The following F11R variants were observed in gnomAD, a reference collection of about 807,000 sequenced individuals.
F11R encodes junctional adhesion molecule A.
A neutral mutation model predicts 39.3 loss-of-function variants in F11R; 27 were observed. The observed-to-expected ratio is 0.69, with a 90% CI of 0.51 to 0.95. The LOEUF (loss-of-function observed/expected upper bound fraction) is 0.95. Among genes scored for constraint, F11R ranks in the 40% least tolerant of loss-of-function variants. The pLI, the probability that F11R is intolerant of heterozygous loss-of-function variation, is 0.00. For synonymous variants in F11R, 131 were observed against 144.9 expected, an observed-to-expected ratio of 0.90 and a Z score of 0.69; for missense variants, 335 against 372.7, an observed-to-expected ratio of 0.90 and a Z score of 0.83.
At chr1:161,006,782 C>T (rs1216614271) in intron 1 of F11R, among the ~76,000 whole-genome samples, 1 of 152,160 alleles carries the variant, frequency 6.6e-6, no homozygotes, top group African/African-American at 2.4e-5. Context: ...ATGTCCTTCC[C>T]ATTCACCACA....
chr1:161,005,853 T>C (rs970390486), intron 1 of F11R, among the ~76,000 whole-genome samples: 2 of 151,812 alleles, frequency 1.3e-5, no homozygotes, highest in Non-Finnish European at 2.9e-5. Flanking sequence ...AGAATGCTAA[T>C]AGGCTGGGCA....
At chr1:161,005,774 C>G (rs917935974) in intron 1 of F11R, among the ~76,000 whole-genome samples, 1 of 152,124 alleles carries the variant, frequency 6.6e-6, no homozygotes, top group African/African-American at 2.4e-5. Context: ...CTGCCTTGGC[C>G]TCCCAAAGTG....
intron 1 of F11R, among the ~76,000 whole-genome samples, chr1:161,005,053 C>T (rs926650645): frequency 2.6e-5 from 4 of 150,988 alleles, no homozygotes; most frequent in South Asian, 4.2e-4. Context: ...CCCAGCTACT[C>T]GGGAGGCTGA....
Position 161,000,223 on chromosome 1 carries a change from C to T in F11R, c.514G>A (p.Val172Met), listed in dbSNP as rs1193246022. Residue 172 changes from valine (V) to methionine (M), a missense_variant, in exon 5 of 10, where the codon GTG (valine) becomes ATG (methionine). Coordinates refer to ENST00000368026, the MANE Select transcript of F11R (RefSeq NM_016946.6). ...GTGCTTTTGGGATTCGTAGGCATCACTATCCCATCTTTGAACCAGGTGTAT... is the reference window on the plus strand; with the variant it reads ...GTGCTTTTGGGATTCGTAGGCATCATTATCCCATCTTTGAACCAGGTGTAT... ...SEYTWFKDGI[V>M]MPTNPKSTRA... The T allele has an allele frequency of 6.2e-7, 1 of 1,614,198 alleles. No homozygotes were observed.
At chr1:161,003,570 CT>C (rs1221196036) in intron 1 of F11R, among the ~76,000 whole-genome samples, 5 of 150,582 alleles carry the variant, frequency 3.3e-5, no homozygotes, top group South Asian at 2.1e-4. Context: ...GCCTAATTTT[CT>C]TTTTTTTCTT....
At chr1:161,017,035 A>G (rs1159463687) in intron 1 of F11R, among the ~76,000 whole-genome samples, 1 of 152,178 alleles carries the variant, frequency 6.6e-6, no homozygotes, top group African/African-American at 2.4e-5. Flanking sequence ...GGGTTGTGCA[A>G]GATGTGCTTT....
In F11R at chr1:160,997,569, A is replaced by T. The variant is rs1006417101; in HGVS notation, c.*1302T>A. The T allele has an allele frequency of 2.0e-5, 3 of 152,778 alleles. No individual in the cohort carries two copies. The highest frequency in any genetic ancestry group is 7.2e-5 in the African/African-American group (3 of 41,458). 9.5% of individuals were successfully genotyped at this position (152,778 alleles called of 1,614,324 possible). On this transcript the variant is annotated 3_prime_UTR_variant, in exon 10 of 10. Transcript: ENST00000368026. The stretch of plus-strand genomic sequence containing the variant: ...CTTGAGATAAGAACCAGGAAGGGGC[A>T]GGACCAGGCACTGGGAACCAGCCCC...
intron 1 of F11R, among the ~76,000 whole-genome samples, chr1:161,015,449 A>G (rs2101988796): frequency 7.0e-6 from 1 of 142,878 alleles, no homozygotes; most frequent in Non-Finnish European, 1.5e-5. Context: ...AAAATTAGCC[A>G]AGAATGGTGG....
chr1:160,998,024 G>C lies in F11R; in HGVS notation c.*847C>G. Reference sequence around the variant, plus strand: ...TGTTGCCAGGCTCCTGAGCAGCTGGGATTACAGGCATGCACCACTATGCCT... The same window carrying C: ...TGTTGCCAGGCTCCTGAGCAGCTGGCATTACAGGCATGCACCACTATGCCT... On this transcript the variant is annotated 3_prime_UTR_variant, in exon 10 of 10. Coordinates refer to ENST00000368026, the MANE Select transcript of F11R (RefSeq NM_016946.6). 1 of 152,360 alleles carries C rather than the reference G, an allele frequency of 6.6e-6. No individual in the cohort carries two copies. Among genetic ancestry groups the C allele is most frequent in the East Asian group, 1.9e-4 (1 of 5,240 alleles). The allele number at this position is 152,360 out of a possible 1,614,324, so 9.4% of individuals were successfully genotyped here.
chr1:161,000,727 A>T lies in F11R; in HGVS notation c.292T>A (p.Ser98Thr). The T allele has an allele frequency of 6.2e-7, 1 of 1,614,124 alleles. No individual in the cohort carries two copies. The highest frequency in any genetic ancestry group is 8.5e-7 in the Non-Finnish European group (1 of 1,180,032). ...TFLPTGITFK[S>T]VTREDTGTYT... Reference sequence around the variant, plus strand: ...GTCCCAGTGTCTTCCCGTGTCACGGACTTGAAGGTGATACCAGTTGGCAAG... The same window carrying T: ...GTCCCAGTGTCTTCCCGTGTCACGGTCTTGAAGGTGATACCAGTTGGCAAG... The change falls in exon 4 of 10, where the codon TCC (serine) becomes ACC (threonine). Residue 98 changes from serine to threonine, a missense_variant. By Grantham distance (58) the Ser-to-Thr change is moderately conservative. Transcript: ENST00000368026.
At chr1:161,013,797 C>T (rs938986663) in intron 1 of F11R, among the ~76,000 whole-genome samples, 3 of 152,226 alleles carry the variant, frequency 2.0e-5, no homozygotes, top group South Asian at 2.1e-4. Flanking sequence ...GGCTCCCTCC[C>T]GCCCTCTCTG....
chr1:161,004,792 A>G (rs1056540700), intron 1 of F11R, among the ~76,000 whole-genome samples: 14 of 152,092 alleles, frequency 9.2e-5, no homozygotes, highest in African/African-American at 2.9e-4. Context: ...ACTAATAAAA[A>G]TATTTCTAAT....
chr1:161,020,982 G>A, intron 1 of F11R, 28 bp downstream of exon 1: 1 of 1,611,786 alleles, frequency 6.2e-7, no homozygotes, highest in Non-Finnish European at 8.5e-7. Context: ...CCGACCAACC[G>A]ATTCCTCCCG....
chr1:161,014,283 A>C (rs1312859542), intron 1 of F11R, among the ~76,000 whole-genome samples: 1 of 152,232 alleles, frequency 6.6e-6, no homozygotes, highest in African/African-American at 2.4e-5. Context: ...CATGGCATTT[A>C]AATCTATTTT....
chr1:161,006,881 T>C (rs967639626), intron 1 of F11R, among the ~76,000 whole-genome samples: 1 of 152,176 alleles, frequency 6.6e-6, no homozygotes, highest in Non-Finnish European at 1.5e-5. Flanking sequence ...ATCCCAGCTC[T>C]AGGCTGGGTG....
rs562011846 is a variant in F11R at position 161,000,934 on chromosome 1, T to C, written c.241+86A>G. The C allele has an allele frequency of 6.8e-6, 10 of 1,466,404 alleles. No individual in the cohort carries two copies. In the Admixed American group the frequency reaches 1.7e-4, roughly 25 times the overall value. 90.8% of individuals were successfully genotyped at this position (1,466,404 alleles called of 1,614,324 possible). Reference sequence around the variant, plus strand: ...TTCAGCCCCAGGGTGTGCCCTGGGATAAGGGCACAAAGTCTGGATCGTAGA... The same window carrying C: ...TTCAGCCCCAGGGTGTGCCCTGGGACAAGGGCACAAAGTCTGGATCGTAGA... On this transcript the variant is annotated intron_variant, in intron 3 of 9. Transcript: ENST00000368026.
intron 1 of F11R, among the ~76,000 whole-genome samples, chr1:161,019,195 T>C (rs1202636292): frequency 6.6e-6 from 1 of 151,850 alleles, no homozygotes; most frequent in Non-Finnish European, 1.5e-5. Context: ...TAACCAAAAA[T>C]TGACTATGGG....
At chr1:161,000,056 A>C in intron 5 of F11R, 78 bp from the exon 6 acceptor site, 1 of 1,598,468 alleles carries the variant, frequency 6.3e-7, no homozygotes, top group Non-Finnish European at 8.6e-7. Flanking sequence ...CCCCAGTTCC[A>C]AGTTCACCCT....
chr1:161,004,172 CT>C (rs969766957), intron 1 of F11R, among the ~76,000 whole-genome samples: 1 of 152,144 alleles, frequency 6.6e-6, no homozygotes, highest in African/African-American at 2.4e-5. Flanking sequence ...TCTAGAACTC[CT>C]GGTCTCAAGC....
Sources: gnomAD v4.1 joint callset for allele counts (sites outside exome capture counted in the v4.1 genomes callset) on GRCh38, gnomAD v4.1.1 for gene constraint, MANE v1.5 for transcripts, NCBI Gene and HGNC (gene_info 2026-07-23, HGNC 2026-07-21) for gene names.